EGFLAM: variants seen among roughly 807,000 people sequenced by gnomAD.
EGFLAM encodes pikachurin.
EGFLAM carries 79 observed loss-of-function variants against 113.1 expected under a neutral mutation model. The observed-to-expected ratio is 0.70, with a 90% CI of 0.58 to 0.84. EGFLAM has a LOEUF of 0.84. Among genes scored for constraint, EGFLAM ranks in the 40% least tolerant of loss-of-function variants. EGFLAM has a pLI of 0.00. For synonymous variants in EGFLAM, 504 were observed against 487.6 expected (o/e 1.03, Z -0.44); for missense variants, 1,265 against 1,291.6 (o/e 0.98, Z 0.32).
chr5:38,435,663 T>C (rs1027384109), intron 16 of EGFLAM, among the ~76,000 whole-genome samples: 3 of 152,166 alleles, frequency 2.0e-5, no homozygotes, highest in African/African-American at 7.2e-5. Flanking sequence ...TTAGAGCCAG[T>C]GCTCATCCCC....
At chr5:38,271,601 C>G (rs1757765566) in intron 1 of EGFLAM, among the ~76,000 whole-genome samples, 1 of 152,196 alleles carries the variant, frequency 6.6e-6, no homozygotes, top group Non-Finnish European at 1.5e-5. Context: ...ACATGTTGAT[C>G]TGACCCCTTG....
chr5:38,355,647 A>C (rs1348301704), intron 5 of EGFLAM, among the ~76,000 whole-genome samples: 1 of 152,252 alleles, frequency 6.6e-6, no homozygotes, highest in African/African-American at 2.4e-5. Flanking sequence ...GTTGATGTTA[A>C]AAACCTACAA....
At chr5:38,297,207 A>C (rs953719278) in intron 1 of EGFLAM, among the ~76,000 whole-genome samples, 1 of 152,198 alleles carries the variant, frequency 6.6e-6, no homozygotes, top group Non-Finnish European at 1.5e-5. Context: ...TGGTTATGTA[A>C]GATTTAACAT....
At chr5:38,367,440 G>A (rs12054951) in intron 5 of EGFLAM, among the ~76,000 whole-genome samples, 6,974 of 149,926 alleles carry the variant, frequency 0.047, 181 homozygotes, top group East Asian at 0.083. Context: ...ATAGTGAGAC[G>A]AGGTCTCACT....
At chr5:38,273,646 G>T (rs1477506652) in intron 1 of EGFLAM, among the ~76,000 whole-genome samples, 2 of 152,228 alleles carry the variant, frequency 1.3e-5, no homozygotes, top group African/African-American at 4.8e-5. Context: ...CCCACGCACT[G>T]CAATGTGTGC....
chr5:38,426,692 G>A (rs1276837816), intron 13 of EGFLAM, among the ~76,000 whole-genome samples: 1 of 152,190 alleles, frequency 6.6e-6, no homozygotes, highest in Non-Finnish European at 1.5e-5. Context: ...GTTATACAGG[G>A]ACACAGTTTC....
At chr5:38,409,919 G>A (rs1741422940) in intron 10 of EGFLAM, among the ~76,000 whole-genome samples, 1 of 152,094 alleles carries the variant, frequency 6.6e-6, no homozygotes, top group Non-Finnish European at 1.5e-5. Context: ...GTGGAGGTGT[G>A]CACTGCACCT....
chr5:38,443,403 G>A (rs1742610474), intron 17 of EGFLAM, among the ~76,000 whole-genome samples: 1 of 152,190 alleles, frequency 6.6e-6, no homozygotes, highest in African/African-American at 2.4e-5. Flanking sequence ...TCTGTGGATG[G>A]TATATCATTA....
chr5:38,415,011 T>G (rs544760131), intron 11 of EGFLAM, among the ~76,000 whole-genome samples: 4 of 152,280 alleles, frequency 2.6e-5, no homozygotes, highest in African/African-American at 9.6e-5. Flanking sequence ...AAAGCTTGAA[T>G]TATAAGAGTT....
At chr5:38,444,229 G>GA (rs1350022676) in intron 17 of EGFLAM, among the ~76,000 whole-genome samples, 3 of 152,134 alleles carry the variant, frequency 2.0e-5, no homozygotes, top group East Asian at 1.9e-4. Context: ...GTAAGAAAAT[G>GA]AAAAAAACAC....
intron 6 of EGFLAM, among the ~76,000 whole-genome samples, chr5:38,398,710 G>A (rs1741025189): frequency 6.6e-6 from 1 of 152,206 alleles, no homozygotes; most frequent in Admixed American, 6.5e-5. Flanking sequence ...GCTCAAGCTT[G>A]CAGGGCCAAG....
At chr5:38,300,994 C>T (rs1758562503) in intron 1 of EGFLAM, among the ~76,000 whole-genome samples, 1 of 152,102 alleles carries the variant, frequency 6.6e-6, no homozygotes, top group Admixed American at 6.5e-5. Context: ...CTGAGTGAAG[C>T]AGATTTGGTG....
intron 15 of EGFLAM, among the ~76,000 whole-genome samples, chr5:38,433,818 C>A (rs1742262356): frequency 6.6e-6 from 1 of 152,166 alleles, no homozygotes; most frequent in African/African-American, 2.4e-5. Context: ...TCCTGAAAGC[C>A]TTTATACTTC....
chr5:38,465,479 C>T lies in EGFLAM; in HGVS notation c.*1493C>T, dbSNP rs1743437872. ...AAAAGATGAATAAACTAGAGAGGTT[C>T]ACTTTGTGCCCCAATCTCCTGTCTT... On this transcript the variant is annotated 3_prime_UTR_variant, in exon 22 of 22. Coordinates refer to ENST00000322350, the MANE Select transcript of EGFLAM (RefSeq NM_152403.4). Among the ~76,000 whole-genome samples the T allele has an allele frequency of 6.6e-6, 1 of 152,224 alleles. No individual in the cohort carries two copies. Among genetic ancestry groups the T allele is most frequent in the Non-Finnish European group, 1.5e-5 (1 of 68,054 alleles).
chr5:38,314,644 T>G (rs1166511981), intron 1 of EGFLAM, among the ~76,000 whole-genome samples: 1 of 152,212 alleles, frequency 6.6e-6, no homozygotes, highest in African/African-American at 2.4e-5. Flanking sequence ...CCTCTCTGAC[T>G]TAGATTTTTC....
chr5:38,295,986 T>C (rs10068885), intron 1 of EGFLAM, among the ~76,000 whole-genome samples: 5,988 of 152,146 alleles, frequency 0.039, 403 homozygotes, highest in African/African-American at 0.14. Context: ...GTGAAGCACT[T>C]TGGTGGTTGG....
At chr5:38,318,701 C>T (rs943709115) in intron 1 of EGFLAM, among the ~76,000 whole-genome samples, 2 of 152,066 alleles carry the variant, frequency 1.3e-5, no homozygotes, top group African/African-American at 2.4e-5. Context: ...GACGGCATTT[C>T]ACCATATTGG....
At chr5:38,343,655 T>G (rs778588815) in intron 3 of EGFLAM, among the ~76,000 whole-genome samples, 7 of 152,196 alleles carry the variant, frequency 4.6e-5, no homozygotes, top group Non-Finnish European at 8.8e-5. Context: ...CCCTCCACCC[T>G]GCTCTGCACA....
rs750746498 is a variant in EGFLAM, at chr5:38,407,807, A to G, written c.1150A>G (p.Ile384Val). 1.3e-5 allele frequency: 21 copies of G among 1,606,554 alleles called. No individual in the cohort carries two copies. Among genetic ancestry groups the G allele is most frequent in the Non-Finnish European group, 1.7e-5 (20 of 1,175,412 alleles). ...GKGGESCSED[I>V]VIQYPQFFGH... is the part of the protein sequence containing the mutation. ...GTGTTGTCTTTTTTCTTCTTCAGAT[A>G]TTGTTATCCAGTATCCTCAGTTCTT... is the stretch of plus-strand genomic sequence containing the variant. Residue 384 changes from isoleucine to valine, a missense_variant and splice_region_variant, in exon 9 of 22, where the codon ATT (isoleucine) becomes GTT (valine). Coordinates refer to ENST00000322350, the MANE Select transcript of EGFLAM (RefSeq NM_152403.4).
Sources: gnomAD v4.1 joint callset for allele counts (sites outside exome capture counted in the v4.1 genomes callset) on GRCh38, gnomAD v4.1.1 for gene constraint, MANE v1.5 for transcripts, NCBI Gene and HGNC (gene_info 2026-07-23, HGNC 2026-07-21) for gene names.